Variants in ZNF718 observed in about 807,000 individuals in gnomAD.
ZNF718 encodes the protein zinc finger protein 718.
In ZNF718, 3 loss-of-function variants were observed where a neutral mutation model predicts 2.6. The observed-to-expected ratio is 1.16, with a 90% CI of 0.53 to 3.01. The LOEUF (loss-of-function observed/expected upper bound fraction) is 3.01, where lower values mean the gene tolerates loss of function less well. Among genes scored for constraint, ZNF718 ranks in the 30% most tolerant of loss-of-function variants. ZNF718 has a pLI of 0.03. For missense variants in ZNF718, 468 were observed against 230.0 expected, an observed-to-expected ratio of 2.03 and a Z score of -6.69; for synonymous variants, 135 against 77.9, an observed-to-expected ratio of 1.73 and a Z score of -3.86.
chr4:159,766 A>G (rs1716743669), intron 3 of ZNF718, among the ~76,000 whole-genome samples: 1 of 151,922 alleles, frequency 6.6e-6, no homozygotes, highest in South Asian at 2.1e-4. Flanking sequence ...GAATATCTTC[A>G]TTATTTATAG....
At chr4:137,139 G>T (rs1328083486) in intron 3 of ZNF718, among the ~76,000 whole-genome samples, 1 of 152,036 alleles carries the variant, frequency 6.6e-6, no homozygotes, top group East Asian at 1.9e-4. Context: ...CTCTTTGTTT[G>T]CTTTCTACCA....
chr4:130,688 G>T (rs1715328111), intron 1 of ZNF718, 100 bp from the exon 2 acceptor site: 1 of 181,006 alleles, frequency 5.5e-6, no homozygotes, highest in Non-Finnish European at 1.0e-5. Context: ...TTTGCAGTGA[G>T]CTGAGACCGT....
At chr4:177,566 C>G (rs1717375004) in intron 3 of ZNF718, among the ~76,000 whole-genome samples, 1 of 152,140 alleles carries the variant, frequency 6.6e-6, no homozygotes, top group South Asian at 2.1e-4. Flanking sequence ...GCCTTGCTCA[C>G]TAAATCTACT....
chr4:146,344 T>C (rs183738832), intron 3 of ZNF718, among the ~76,000 whole-genome samples: 269 of 152,234 alleles, frequency 1.8e-3, no homozygotes, highest in Non-Finnish European at 2.2e-3. Flanking sequence ...ATTTGCACTT[T>C]AAATATACGG....
chr4:173,060 TAAAA>T (rs1254233446), intron 3 of ZNF718, among the ~76,000 whole-genome samples: 9 of 151,474 alleles, frequency 5.9e-5, no homozygotes, highest in Non-Finnish European at 1.2e-4. Flanking sequence ...ATAAATAAAA[TAAAA>T]ATAAATAAAT....
At chr4:125,771 C>T (rs185728457) in intron 1 of ZNF718, among the ~76,000 whole-genome samples, 27 of 152,222 alleles carry the variant, frequency 1.8e-4, no homozygotes, top group African/African-American at 6.5e-4. Flanking sequence ...CTCCTGAGCA[C>T]GCCCACTGGG....
At chr4:190,993 C>T (rs552088132) in intron 3 of ZNF718, among the ~76,000 whole-genome samples, 3 of 151,742 alleles carry the variant, frequency 2.0e-5, no homozygotes, top group South Asian at 2.1e-4. Context: ...GAGCTGAGAT[C>T]GTGCCACTGC....
At chr4:181,275 G>A (rs1192859491) in intron 3 of ZNF718, among the ~76,000 whole-genome samples, 1 of 146,760 alleles carries the variant, frequency 6.8e-6, no homozygotes, top group Non-Finnish European at 1.5e-5. Flanking sequence ...CCAAGAGCTA[G>A]GATTACAGGC....
In ZNF718 at chr4:161,649, A is replaced by G; in HGVS notation, c.964A>G (p.Thr322Ala). 1.3e-6 allele frequency: 1 copy of G among 779,732 alleles called. No individual in the cohort carries two copies. 48.3% of individuals were successfully genotyped at this position (779,732 alleles called of 1,614,324 possible). A position where few individuals can be genotyped will look rare whatever the true frequency, so the allele number is the denominator to read the frequency against. The change falls in exon 4 of 4, where the codon ACA (threonine) becomes GCA (alanine). Residue 322 changes from threonine (T) to alanine (A), a missense_variant. Coordinates refer to ENST00000510175, the MANE Select transcript of ZNF718 (RefSeq NM_001039127.6). Reference protein sequence around the residue: ...SCEECGNVFTTSSDFAKHKRI... With the variant: ...SCEECGNVFTASSDFAKHKRI... Reference sequence around the variant, plus strand: ...CGAAGAATGTGGCAATGTCTTTACCACATCCTCAGACTTTGCTAAACATAA... The same window carrying G: ...CGAAGAATGTGGCAATGTCTTTACCGCATCCTCAGACTTTGCTAAACATAA...
chr4:192,501 G>C (rs150583629), intron 3 of ZNF718, among the ~76,000 whole-genome samples: 2,016 of 152,242 alleles, frequency 0.013, 28 homozygotes, highest in Non-Finnish European at 0.018. Flanking sequence ...CTAGGCTTAG[G>C]AATTCTTAGT....
chr4:166,106 T>A (rs187093276), downstream of ZNF718, among the ~76,000 whole-genome samples: 14 of 152,208 alleles, frequency 9.2e-5, no homozygotes, highest in Non-Finnish European at 1.5e-4. Flanking sequence ...CAGTGTTTGG[T>A]TTTTTGTCCT....
chr4:144,928 GT>G (rs140053002), intron 3 of ZNF718, among the ~76,000 whole-genome samples: 3 of 151,442 alleles, frequency 2.0e-5, no homozygotes, highest in Non-Finnish European at 2.9e-5. Flanking sequence ...CATATGCAAA[GT>G]TTTTTTTGTG....
intron 3 of ZNF718, among the ~76,000 whole-genome samples, chr4:199,515 T>C (rs1057213826): frequency 1.3e-5 from 2 of 152,216 alleles, no homozygotes; most frequent in Non-Finnish European, 2.9e-5. Context: ...ACTAACTCAA[T>C]TTCCTTGCAT....
intron 3 of ZNF718, chr4:142,103 T>C (rs886820352): frequency 6.2e-5 from 32 of 518,426 alleles, no homozygotes; most frequent in African/African-American, 5.6e-4. Context: ...CGGGTTTTGA[T>C]AAGGGTCCCT....
At chr4:188,736 T>C (rs1717619987) in intron 3 of ZNF718, among the ~76,000 whole-genome samples, 1 of 152,168 alleles carries the variant, frequency 6.6e-6, no homozygotes, top group Non-Finnish European at 1.5e-5. Context: ...ATACAAGGGT[T>C]GCAAAGATTT....
At chr4:141,254 G>A (rs554417264) in intron 3 of ZNF718, among the ~76,000 whole-genome samples, 12 of 152,130 alleles carry the variant, frequency 7.9e-5, no homozygotes, top group Admixed American at 5.9e-4. Context: ...ATTTAAAAAG[G>A]TTATTCATAA....
rs1272656729 is a variant in ZNF718, at chr4:161,110, C to T, written c.425C>T (p.Thr142Ile). Residue 142 changes from threonine (T) to isoleucine (I), a missense_variant, in exon 4 of 4, where the codon ACA becomes ATA. By Grantham distance (89) the Thr-to-Ile change is moderately conservative. Coordinates refer to ENST00000510175, the MANE Select transcript of ZNF718 (RefSeq NM_001039127.6). ...TGCTTATTAACTACCCAGAAAAAAA[C>T]AATTCAATCTAATATATGTGTCAAA... is the stretch of plus-strand genomic sequence containing the variant. The part of the protein sequence containing the change: ...NQCLLTTQKK[T>I]IQSNICVKVF... 1 of 765,626 alleles carries T rather than the reference C, an allele frequency of 1.3e-6. No homozygotes were observed. Among genetic ancestry groups the T allele is most frequent in the African/African-American group, 1.7e-5 (1 of 58,620 alleles). The allele number at this position is 765,626 out of a possible 1,614,324, so 47.4% of individuals were successfully genotyped here. A position where few individuals can be genotyped will look rare whatever the true frequency, so the allele number is the denominator to read the frequency against.
intron 3 of ZNF718, among the ~76,000 whole-genome samples, chr4:157,089 T>C (rs1244384600): frequency 9.4e-6 from 1 of 106,886 alleles, no homozygotes; most frequent in African/African-American, 3.6e-5. Context: ...TTCTTTTTGT[T>C]TCTTTCTTTC....
chr4:146,855 A>G (rs1262475819), intron 3 of ZNF718, among the ~76,000 whole-genome samples: 1 of 151,822 alleles, frequency 6.6e-6, no homozygotes, highest in African/African-American at 2.4e-5. Flanking sequence ...TGACTCCAGC[A>G]TATCTATTTG....
Sources: gnomAD v4.1 joint callset for allele counts (sites outside exome capture counted in the v4.1 genomes callset) on GRCh38, gnomAD v4.1.1 for gene constraint, MANE v1.5 for transcripts, NCBI Gene and HGNC (gene_info 2026-07-23, HGNC 2026-07-21) for gene names.